The following TMA16 variants were observed in gnomAD, a reference collection of about 807,000 sequenced individuals.
TMA16 encodes the protein translation machinery-associated protein 16.
TMA16 carries 26 observed loss-of-function variants against 27.1 expected under a neutral mutation model. The ratio of observed to expected loss-of-function variants is 0.96; its 90% CI spans 0.70 to 1.33. TMA16 has a LOEUF of 1.33. TMA16 is among the 40% of genes most tolerant of loss of function. TMA16 has a pLI of 0.00. For synonymous variants in TMA16, 71 were observed against 81.9 expected, an observed-to-expected ratio of 0.87 and a Z score of 0.72; for missense variants, 233 against 241.4, an observed-to-expected ratio of 0.97 and a Z score of 0.23.
intron 1 of TMA16, among the ~76,000 whole-genome samples, chr4:163,497,850 G>C (rs979695833): frequency 6.6e-6 from 1 of 152,146 alleles, no homozygotes; most frequent in African/African-American, 2.4e-5. Context: ...GAGCATTATT[G>C]CGTCTGCCAC....
At position 163,520,255 on chromosome 4, in the gene TMA16, A is replaced by G. The variant is rs116797878; in HGVS notation, c.*741A>G. ...GATTAGGGAACCAGTGATTTTAATT[A>G]TGCTACTTTTTCTTCTAAGAGATAA... On this transcript the variant is annotated 3_prime_UTR_variant, in exon 7 of 7. Transcript: ENST00000358572. The G allele has an allele frequency of 1.3e-3, 311 of 238,040 alleles. 2 individuals are homozygous for G. Among genetic ancestry groups the G allele is most frequent in the African/African-American group, 6.7e-3 (297 of 44,412 alleles). 14.7% of individuals were successfully genotyped at this position (238,040 alleles called of 1,614,324 possible).
chr4:163,517,361 A>G (rs983269888), intron 5 of TMA16, 73 bp from the exon 6 acceptor site: 2 of 1,390,110 alleles, frequency 1.4e-6, no homozygotes, highest in Non-Finnish European at 2.0e-6. Context: ...GCTAAAAATT[A>G]TTATTTGTTG....
chr4:163,495,631 T>G (rs144427631), intron 1 of TMA16, among the ~76,000 whole-genome samples: 50 of 152,342 alleles, frequency 3.3e-4, no homozygotes, highest in Non-Finnish European at 6.6e-4. Flanking sequence ...TTATAAATTT[T>G]TTTCAATTAA....
At chr4:163,499,203 A>G (rs1737609524) in intron 1 of TMA16, among the ~76,000 whole-genome samples, 1 of 152,058 alleles carries the variant, frequency 6.6e-6, no homozygotes, top group South Asian at 2.1e-4. Context: ...GATCTTTTTC[A>G]TATTAATCTT....
At chr4:163,517,191 C>T (rs556525669) in intron 5 of TMA16, 12 of 443,318 alleles carry the variant, frequency 2.7e-5, no homozygotes, top group South Asian at 9.3e-5. Flanking sequence ...CATGAGCCAC[C>T]GCGCCTGGCC....
intron 1 of TMA16, among the ~76,000 whole-genome samples, chr4:163,502,216 A>G (rs188533359): frequency 4.6e-5 from 7 of 152,334 alleles, no homozygotes; most frequent in African/African-American, 1.7e-4. Context: ...TAAAGTCTGC[A>G]TTAGAGAATT....
chr4:163,519,717 G>T lies in TMA16; in HGVS notation c.*203G>T. 1.8e-6 allele frequency: 1 copy of T among 566,836 alleles called. No individual in the cohort carries two copies. Among genetic ancestry groups the T allele is most frequent in the Non-Finnish European group, 3.0e-6 (1 of 334,320 alleles). 35.1% of individuals were successfully genotyped at this position (566,836 alleles called of 1,614,324 possible). ...TCATTTCCATTAAGTTGCTAAAATA[G>T]ATAGATGTGATCTGCAGAAGTTGTT... is the stretch of plus-strand genomic sequence containing the variant. On this transcript the variant is annotated 3_prime_UTR_variant, in exon 7 of 7. Coordinates refer to ENST00000358572, the MANE Select transcript of TMA16 (RefSeq NM_018352.3).
chr4:163,517,405 T>A, intron 5 of TMA16, 29 bp from the exon 6 acceptor site: 2 of 1,591,032 alleles, frequency 1.3e-6, no homozygotes, highest in Non-Finnish European at 1.7e-6. Flanking sequence ...AAACATTGCC[T>A]CATGGAGATA....
chr4:163,496,888 A>G (rs892775952), intron 1 of TMA16, among the ~76,000 whole-genome samples: 1 of 152,054 alleles, frequency 6.6e-6, no homozygotes, highest in Non-Finnish European at 1.5e-5. Flanking sequence ...CTGACCTCAA[A>G]TGATCCACCC....
chr4:163,512,588 A>G (rs1560915328), intron 2 of TMA16: 1 of 405,394 alleles, frequency 2.5e-6, no homozygotes, highest in East Asian at 3.8e-5. Context: ...GGTTTGTTCT[A>G]TAGGCTTCCT....
chr4:163,499,850 T>A (rs1737621220), intron 1 of TMA16, among the ~76,000 whole-genome samples: 1 of 152,212 alleles, frequency 6.6e-6, no homozygotes, highest in Non-Finnish European at 1.5e-5. Context: ...TTTTGAGTGC[T>A]TGAAATAGTT....
chr4:163,495,043 C>A (rs1423065195), intron 1 of TMA16, among the ~76,000 whole-genome samples: 3 of 152,158 alleles, frequency 2.0e-5, no homozygotes, highest in Non-Finnish European at 4.4e-5. Flanking sequence ...CGCCTTGCTC[C>A]TCTTTGCCTT....
intron 1 of TMA16, among the ~76,000 whole-genome samples, chr4:163,500,210 CT>C (rs34832261): frequency 0.12 from 15,818 of 132,062 alleles, 710 homozygotes; most frequent in African/African-American, 0.18. Flanking sequence ...TTCTTTCTTT[CT>C]TTTTTTTTTT....
In TMA16 at chr4:163,519,979, C is replaced by A; in HGVS notation, c.*465C>A. Reference sequence around the variant, plus strand: ...ACATTAAACCTATTTTCCTTTTTTACAGAATAAGGGAAAATGTGATAAGAA... The same window carrying A: ...ACATTAAACCTATTTTCCTTTTTTAAAGAATAAGGGAAAATGTGATAAGAA... On this transcript the variant is annotated 3_prime_UTR_variant, in exon 7 of 7. Coordinates refer to ENST00000358572, the MANE Select transcript of TMA16 (RefSeq NM_018352.3). 1 of 594,982 alleles carries A rather than the reference C, an allele frequency of 1.7e-6. No individual in the cohort carries two copies. Among genetic ancestry groups the A allele is most frequent in the Non-Finnish European group, 3.0e-6 (1 of 328,056 alleles). 36.9% of individuals were successfully genotyped at this position (594,982 alleles called of 1,614,324 possible). A position where few individuals can be genotyped will look rare whatever the true frequency, so the allele number is the denominator to read the frequency against.
intron 2 of TMA16, among the ~76,000 whole-genome samples, chr4:163,511,580 G>A (rs1225386363): frequency 4.6e-5 from 7 of 151,954 alleles, no homozygotes; most frequent in Non-Finnish European, 8.8e-5. Flanking sequence ...GGAGGCCAAG[G>A]TGAGAGGACC....
chr4:163,518,511 CA>C (rs1280457143), intron 6 of TMA16, among the ~76,000 whole-genome samples: 1 of 149,638 alleles, frequency 6.7e-6, no homozygotes, highest in Non-Finnish European at 1.5e-5. Context: ...CTATAAGAAA[CA>C]AATGAATCAA....
intron 4 of TMA16, 46 bp from the exon 5 acceptor site, chr4:163,515,267 A>C (rs568885748): frequency 1.3e-6 from 2 of 1,564,244 alleles, no homozygotes; most frequent in East Asian, 2.3e-5. Flanking sequence ...TGTAAGCCCA[A>C]TACATATACT....
At chr4:163,509,492 T>G (rs896260281) in intron 2 of TMA16, among the ~76,000 whole-genome samples, 1 of 152,200 alleles carries the variant, frequency 6.6e-6, no homozygotes, top group Non-Finnish European at 1.5e-5. Context: ...CGTTGCCACT[T>G]AACTGGGTGT....
rs780562251 is a variant in TMA16 at position 163,517,494 on chromosome 4, T to A, written c.431+18T>A. ...ACATTTAGGTGAGTCTGTCTTGTAT[T>A]GTTCCCCTGAAGCTGTGTGTAAAGT... On this transcript the variant is annotated intron_variant, in intron 6 of 6. Coordinates refer to ENST00000358572, the MANE Select transcript of TMA16 (RefSeq NM_018352.3). The A allele has an allele frequency of 4.3e-6, 7 of 1,609,538 alleles. No homozygotes were observed. The Admixed American group carries it at 1.2e-4, about 27-fold the overall frequency.
Sources: allele counts gnomAD v4.1 joint callset (sites outside exome capture counted in the v4.1 genomes callset), GRCh38; gene constraint gnomAD v4.1.1; transcripts MANE v1.5; gene names NCBI Gene and HGNC (gene_info 2026-07-23, HGNC 2026-07-21).